The following XXYLT1 variants were observed in gnomAD, a reference collection of about 807,000 sequenced individuals.
The protein encoded by XXYLT1 is UDP-xylose:alpha-xyloside alpha-1,3-xylosyltransferase.
XXYLT1 carries 20 observed loss-of-function variants against 28.9 expected under a neutral mutation model. The observed-to-expected ratio is 0.69, with a 90% CI of 0.49 to 1.00. XXYLT1 has a LOEUF of 1.00. Among genes scored for constraint, XXYLT1 ranks in the 50% least tolerant of loss-of-function variants. The pLI is 0.00. For synonymous variants in XXYLT1, 257 were observed against 253.8 expected (o/e 1.01, Z -0.12); for missense variants, 542 against 560.1 (o/e 0.97, Z 0.33).
chr3:195,247,395 G>A (rs1441623339), intron 1 of XXYLT1, among the ~76,000 whole-genome samples: 1 of 152,250 alleles, frequency 6.6e-6, no homozygotes, highest in East Asian at 1.9e-4. Context: ...GAACACTGCA[G>A]TTTTACCATG....
intron 3 of XXYLT1, among the ~76,000 whole-genome samples, chr3:195,074,571 C>T (rs1175241253): frequency 6.6e-6 from 1 of 152,210 alleles, no homozygotes; most frequent in Non-Finnish European, 1.5e-5. Flanking sequence ...AGCACTTCAT[C>T]CACACCAGCC....
At chr3:195,125,007 C>G (rs528392574) in intron 3 of XXYLT1, among the ~76,000 whole-genome samples, 5 of 152,174 alleles carry the variant, frequency 3.3e-5, no homozygotes, top group Non-Finnish European at 7.3e-5. Context: ...ATTCTTTATT[C>G]ATTTATTACA....
chr3:195,170,791 C>G (rs75263443), intron 2 of XXYLT1, among the ~76,000 whole-genome samples: 6,393 of 152,150 alleles, frequency 0.042, 468 homozygotes, highest in African/African-American at 0.15. Flanking sequence ...ACCTGTAAAC[C>G]TAGCACTTCG....
chr3:195,069,632 CA>C lies in XXYLT1; in HGVS notation c.*82del, dbSNP rs919989460. The C allele has an allele frequency of 1.4e-5, 21 of 1,505,772 alleles. No individual in the cohort carries two copies. In the African/African-American group the frequency reaches 2.4e-4, roughly 17 times the overall value. The allele number at this position is 1,505,772 out of a possible 1,614,324, so 93.3% of individuals were successfully genotyped here. A position where few individuals can be genotyped will look rare whatever the true frequency, so the allele number is the denominator to read the frequency against. Reference sequence around the variant, plus strand: ...TCCCTGCGGTGTCTCTCTAGCGGGTCAGACACTGCCCTTGGGTCTGTCCCAA... The same window carrying C: ...TCCCTGCGGTGTCTCTCTAGCGGGTCGACACTGCCCTTGGGTCTGTCCCAA... On this transcript the variant is annotated 3_prime_UTR_variant, in exon 4 of 4. Transcript: ENST00000310380.
chr3:195,214,408 T>C (rs752079293), intron 2 of XXYLT1, among the ~76,000 whole-genome samples: 17 of 152,102 alleles, frequency 1.1e-4, no homozygotes, highest in Non-Finnish European at 1.8e-4. Flanking sequence ...CTCCCAGGCC[T>C]GCTGACCCCA....
chr3:195,263,924 G>A (rs933149277), intron 1 of XXYLT1, among the ~76,000 whole-genome samples: 1 of 152,174 alleles, frequency 6.6e-6, no homozygotes, highest in Admixed American at 6.5e-5. Context: ...GTGTCGACGG[G>A]AAAAAGAGGA....
chr3:195,077,694 G>C lies in XXYLT1; in HGVS notation c.786-7583C>G, dbSNP rs1715200957. On this transcript the variant is annotated intron_variant, in intron 3 of 3. Coordinates refer to ENST00000310380, the MANE Select transcript of XXYLT1 (RefSeq NM_152531.5). This position sits in a 1 kb window ranked among gnomAD's most constrained non-coding sequence, Gnocchi z 4.8. ...CCCTGATGGCAAGGCCTCTGACCTG[G>C]TGCAGGGCAGCCCTTCAGCCCCCTG... Among the ~76,000 whole-genome samples, 1 of 152,178 alleles carries C rather than the reference G, an allele frequency of 6.6e-6. No individual in the cohort carries two copies. The highest frequency in any genetic ancestry group is 6.5e-5 in the Admixed American group (1 of 15,286).
chr3:195,088,369 C>G (rs565838301), intron 3 of XXYLT1, among the ~76,000 whole-genome samples: 7 of 147,156 alleles, frequency 4.8e-5, no homozygotes, highest in East Asian at 2.1e-4. Context: ...TCAAGTGGGT[C>G]CCTGACCCCT....
chr3:195,155,584 T>G (rs1305982476), intron 3 of XXYLT1, among the ~76,000 whole-genome samples: 1 of 150,838 alleles, frequency 6.6e-6, no homozygotes, highest in Non-Finnish European at 1.5e-5. Context: ...CACAAAAAAG[T>G]GCATGCAAAC....
intron 1 of XXYLT1, among the ~76,000 whole-genome samples, chr3:195,228,645 C>A (rs1398679426): frequency 6.6e-6 from 1 of 151,386 alleles, no homozygotes; most frequent in East Asian, 1.9e-4. Flanking sequence ...CCCGCCACCA[C>A]CCCCAGCTAA....
chr3:195,214,185 C>T (rs115709260), intron 2 of XXYLT1, among the ~76,000 whole-genome samples: 192 of 152,242 alleles, frequency 1.3e-3, no homozygotes, highest in African/African-American at 4.4e-3. Context: ...AGGTCAGCCC[C>T]GTTACAGTTC....
At chr3:195,160,747 AGACCAGGCT>A (rs990416075) in intron 2 of XXYLT1, among the ~76,000 whole-genome samples, 4 of 152,218 alleles carry the variant, frequency 2.6e-5, no homozygotes, top group African/African-American at 7.2e-5. Flanking sequence ...TCCACCAGCC[AGACCAGGCT>A]GGCTTCTCGC....
chr3:195,076,767 C>T lies in XXYLT1; in HGVS notation c.786-6656G>A, dbSNP rs1329468673. 6.6e-6 allele frequency among the ~76,000 whole-genome samples: 1 copy of T among 152,164 alleles called. No individual in the cohort carries two copies. The highest frequency in any genetic ancestry group is 1.9e-4 in the East Asian group (1 of 5,188). ...CCTGGGAGAGGCATCACCCTGCTCT[C>T]TGCCTTCATATTCACATGGCGTTCT... is the stretch of plus-strand genomic sequence containing the variant. On this transcript the variant is annotated intron_variant, in intron 3 of 3. Coordinates refer to ENST00000310380, the MANE Select transcript of XXYLT1 (RefSeq NM_152531.5). The surrounding 1 kb of genome is among the most constrained non-coding windows in gnomAD (Gnocchi z 5.3).
intron 2 of XXYLT1, among the ~76,000 whole-genome samples, chr3:195,197,146 C>T (rs1031374205): frequency 2.6e-5 from 4 of 152,126 alleles, no homozygotes; most frequent in Admixed American, 2.0e-4. Flanking sequence ...TTATTTACAA[C>T]AAAAATGTGG....
At chr3:195,084,390 C>T (rs1363241494) in intron 3 of XXYLT1, among the ~76,000 whole-genome samples, 2 of 151,912 alleles carry the variant, frequency 1.3e-5, no homozygotes, top group African/African-American at 2.4e-5. Context: ...AAAATCTTCT[C>T]GCTGAAAAAA....
At chr3:195,130,025 G>C (rs1028912395) in intron 3 of XXYLT1, among the ~76,000 whole-genome samples, 8 of 152,122 alleles carry the variant, frequency 5.3e-5, no homozygotes, top group Admixed American at 3.3e-4. Flanking sequence ...GATATGAACT[G>C]GTGTCTCACT....
At chr3:195,175,851 G>A (rs982732567) in intron 2 of XXYLT1, 29 of 1,415,508 alleles carry the variant, frequency 2.0e-5, no homozygotes, top group Non-Finnish European at 2.7e-5. Flanking sequence ...AAAGGAAGAT[G>A]TCCTAGAAAG....
chr3:195,230,614 C>T (rs1306506684), intron 1 of XXYLT1, among the ~76,000 whole-genome samples: 1 of 152,118 alleles, frequency 6.6e-6, no homozygotes, highest in Admixed American at 6.5e-5. Context: ...CCAGTTTTCC[C>T]AGCTTCATTT....
At chr3:195,155,087 G>GT (rs1720492666) in intron 3 of XXYLT1, among the ~76,000 whole-genome samples, 1 of 152,232 alleles carries the variant, frequency 6.6e-6, no homozygotes, top group Admixed American at 6.5e-5. Flanking sequence ...GGGGCCACAC[G>GT]TGAGAGGATT....
Sources: allele counts gnomAD v4.1 joint callset (sites outside exome capture counted in the v4.1 genomes callset), GRCh38; gene constraint gnomAD v4.1.1; non-coding constraint Gnocchi (gnomAD v3.1); transcripts MANE v1.5; gene names NCBI Gene and HGNC (gene_info 2026-07-23, HGNC 2026-07-21).